PTPRN2: variants seen among roughly 807,000 people sequenced by gnomAD.
PTPRN2 encodes protein tyrosine phosphatase receptor type N2, also known as receptor-type tyrosine-protein phosphatase N2.
Under a neutral mutation model 118.8 loss-of-function variants are expected in PTPRN2, and 74 were observed. The observed-to-expected ratio is 0.62, with a 90% CI of 0.52 to 0.76. The LOEUF is 0.76. Among genes scored for constraint, PTPRN2 ranks in the 30% least tolerant of loss-of-function variants. PTPRN2 has a pLI of 0.00. For missense variants in PTPRN2, 1,481 were observed against 1,394.4 expected, an observed-to-expected ratio of 1.06 and a Z score of -0.99; for synonymous variants, 641 against 608.0, an observed-to-expected ratio of 1.05 and a Z score of -0.80.
intron 2 of PTPRN2, among the ~76,000 whole-genome samples, chr7:158,367,612 C>T (rs947320468): frequency 3.9e-5 from 6 of 152,164 alleles, no homozygotes; most frequent in East Asian, 1.9e-4. Context: ...GACGAAATTA[C>T]GTTGTAAGTG....
intron 12 of PTPRN2, among the ~76,000 whole-genome samples, chr7:157,820,289 CAT>C (rs1335450631): frequency 2.7e-5 from 4 of 146,144 alleles, no homozygotes; most frequent in African/African-American, 5.1e-5. Context: ...ACACCACACC[CAT>C]GTCACACACA....
chr7:158,008,754 G>A (rs981252560), intron 11 of PTPRN2, among the ~76,000 whole-genome samples: 1 of 152,220 alleles, frequency 6.6e-6, no homozygotes, highest in Non-Finnish European at 1.5e-5. Context: ...TAGAATTTCA[G>A]TGACTCTAGT....
intron 12 of PTPRN2, among the ~76,000 whole-genome samples, chr7:157,833,819 G>A (rs1807749771): frequency 1.3e-5 from 2 of 152,178 alleles, no homozygotes; most frequent in African/African-American, 4.8e-5. Flanking sequence ...GACATTTTAG[G>A]AGTAACAAGC....
At chr7:158,393,440 G>A (rs1318989962) in intron 2 of PTPRN2, among the ~76,000 whole-genome samples, 1 of 152,176 alleles carries the variant, frequency 6.6e-6, no homozygotes, top group Non-Finnish European at 1.5e-5. Context: ...GGCAACTTCA[G>A]CCTCCACACA....
chr7:157,967,455 C>T (rs1299472206), intron 11 of PTPRN2, among the ~76,000 whole-genome samples: 1 of 152,168 alleles, frequency 6.6e-6, no homozygotes, highest in East Asian at 1.9e-4. Context: ...GGTAGAGACT[C>T]TGTGTGGCAG....
chr7:158,000,048 G>A (rs745756291), intron 11 of PTPRN2, among the ~76,000 whole-genome samples: 52 of 151,966 alleles, frequency 3.4e-4, no homozygotes, highest in Admixed American at 1.2e-3. Context: ...CACCATGCCC[G>A]GCTAATTTCT....
rs1586845012 is a variant in PTPRN2, at chr7:158,516,709, T to A, written c.113-26924A>T. ...CTATTGTTCCTGGTGCTGTTCTTGG[T>A]GCTTCTGCCTTTTGTTCCTGGTGCT... On this transcript the variant is annotated intron_variant, in intron 1 of 22. Transcript: ENST00000389418. 2.0e-5 allele frequency among the ~76,000 whole-genome samples: 3 copies of A among 151,752 alleles called. No homozygotes were observed. In the South Asian group the frequency reaches 6.2e-4, roughly 32 times the overall value.
intron 3 of PTPRN2, among the ~76,000 whole-genome samples, chr7:158,236,430 T>C (rs1213555482): frequency 2.6e-5 from 4 of 152,040 alleles, no homozygotes; most frequent in Non-Finnish European, 5.9e-5. Context: ...AGACAAACGT[T>C]GAGGGGTGGG....
intron 12 of PTPRN2, among the ~76,000 whole-genome samples, chr7:157,830,466 G>A (rs1032181636): frequency 5.9e-5 from 9 of 152,248 alleles, no homozygotes; most frequent in East Asian, 1.9e-4. Context: ...GGGGCTGGCC[G>A]TGCACCCGCT....
chr7:157,699,187 T>C (rs1004929122), intron 12 of PTPRN2, among the ~76,000 whole-genome samples: 2 of 152,240 alleles, frequency 1.3e-5, no homozygotes, highest in African/African-American at 4.8e-5. Context: ...AACTTAGCCA[T>C]GTCCTGTTCA....
chr7:158,401,893 T>G (rs1177572873), intron 2 of PTPRN2, among the ~76,000 whole-genome samples: 6 of 151,930 alleles, frequency 3.9e-5, no homozygotes, highest in Admixed American at 3.9e-4. Context: ...CATAGAGATG[T>G]CCACACTGCC....
chr7:158,394,018 C>A (rs1467454635), intron 2 of PTPRN2, among the ~76,000 whole-genome samples: 1 of 151,792 alleles, frequency 6.6e-6, no homozygotes, highest in Admixed American at 6.6e-5. Flanking sequence ...AATGTCCCAC[C>A]CCCATGGACA....
chr7:157,799,867 C>T (rs1365616045), intron 12 of PTPRN2, among the ~76,000 whole-genome samples: 11 of 126,416 alleles, frequency 8.7e-5, no homozygotes, highest in Admixed American at 2.2e-4. Flanking sequence ...CCGGCCCCCT[C>T]CATCCCTCAG....
chr7:158,010,080 C>T (rs2128868016), intron 11 of PTPRN2, among the ~76,000 whole-genome samples: 1 of 152,326 alleles, frequency 6.6e-6, no homozygotes, highest in East Asian at 1.9e-4. Flanking sequence ...TTCATCTTGT[C>T]CCTGTCCTTG....
chr7:157,993,140 G>A (rs988165227), intron 11 of PTPRN2, among the ~76,000 whole-genome samples: 1 of 152,128 alleles, frequency 6.6e-6, no homozygotes, highest in Non-Finnish European at 1.5e-5. Context: ...TTCTGATCAC[G>A]AGCTCTAACT....
chr7:158,134,294 C>A (rs1197598104), intron 8 of PTPRN2, among the ~76,000 whole-genome samples: 1 of 152,086 alleles, frequency 6.6e-6, no homozygotes, highest in African/African-American at 2.4e-5. Flanking sequence ...CTCCTCCCTC[C>A]CGCTCCCTCT....
chr7:158,389,911 C>T (rs951725977), intron 2 of PTPRN2, among the ~76,000 whole-genome samples: 2 of 152,236 alleles, frequency 1.3e-5, no homozygotes. Context: ...GGGCCCTGGC[C>T]CAAGACGCGT....
chr7:158,175,652 C>A (rs566370431), intron 5 of PTPRN2, among the ~76,000 whole-genome samples: 1 of 152,276 alleles, frequency 6.6e-6, no homozygotes, highest in South Asian at 2.1e-4. Context: ...GGGTCTCACA[C>A]GAGCGTATAC....
intron 5 of PTPRN2, among the ~76,000 whole-genome samples, chr7:158,178,589 C>CTTTT (rs56710690): frequency 5.9e-5 from 4 of 67,388 alleles, no homozygotes; most frequent in Non-Finnish European, 8.3e-5. Flanking sequence ...CATTTTCTTT[C>CTTTT]TTTTTTTTTT....
Sources: gnomAD v4.1 joint callset for allele counts (sites outside exome capture counted in the v4.1 genomes callset) on GRCh38, gnomAD v4.1.1 for gene constraint, MANE v1.5 for transcripts, NCBI Gene and HGNC (gene_info 2026-07-23, HGNC 2026-07-21) for gene names.